CSMD3: variants seen among roughly 807,000 people sequenced by gnomAD.
CSMD3 encodes CUB and Sushi multiple domains 3.
Under a neutral mutation model 435.2 loss-of-function variants are expected in CSMD3, and 177 were observed. The ratio of observed to expected loss-of-function variants is 0.41; its 90% CI spans 0.36 to 0.46. The LOEUF is 0.46. CSMD3 is among the 20% of genes least tolerant of loss of function. The pLI, the probability that CSMD3 is intolerant of heterozygous loss-of-function variation, is 0.34. For missense variants in CSMD3, 4,265 were observed against 4,504.6 expected, an observed-to-expected ratio of 0.95 and a Z score of 1.52; for synonymous variants, 1,656 against 1,520.5, an observed-to-expected ratio of 1.09 and a Z score of -2.07.
intron 5 of CSMD3, among the ~76,000 whole-genome samples, chr8:113,062,592 T>C (rs1334991689): frequency 6.6e-6 from 1 of 151,802 alleles, no homozygotes; most frequent in East Asian, 1.9e-4. Flanking sequence ...AATAGGCCTA[T>C]TACTACTGCT....
intron 2 of CSMD3, among the ~76,000 whole-genome samples, chr8:113,296,863 A>G (rs1344982651): frequency 6.6e-6 from 1 of 152,158 alleles, no homozygotes; most frequent in Non-Finnish European, 1.5e-5. Flanking sequence ...TCTGCATTCT[A>G]TCAAATATAA....
intron 1 of CSMD3, among the ~76,000 whole-genome samples, chr8:113,319,257 G>A (rs1378419281): frequency 6.6e-6 from 1 of 151,896 alleles, no homozygotes; most frequent in African/African-American, 2.4e-5. Context: ...CATACTTACG[G>A]GAGTAAGGCA....
At chr8:112,742,345 A>C (rs2077331781) in intron 13 of CSMD3, among the ~76,000 whole-genome samples, 1 of 151,968 alleles carries the variant, frequency 6.6e-6, no homozygotes, top group Admixed American at 6.6e-5. Flanking sequence ...TCAGCAGAGA[A>C]AGAAAAAATC....
intron 22 of CSMD3, among the ~76,000 whole-genome samples, chr8:112,593,942 T>C (rs1831425450): frequency 6.6e-6 from 1 of 152,156 alleles, no homozygotes; most frequent in South Asian, 2.1e-4. Context: ...TGTTTTGTTT[T>C]TTGGTTAGTT....
chr8:112,857,946 T>C (rs2080711454), intron 11 of CSMD3, among the ~76,000 whole-genome samples: 1 of 151,728 alleles, frequency 6.6e-6, no homozygotes, highest in African/African-American at 2.4e-5. Context: ...ATGATTTCCT[T>C]CATGCAACTG....
chr8:113,254,120 C>T (rs1588379823), intron 3 of CSMD3, among the ~76,000 whole-genome samples: 1 of 152,098 alleles, frequency 6.6e-6, no homozygotes, highest in East Asian at 1.9e-4. Context: ...ATCTGAGTGT[C>T]TATAATTTTC....
intron 61 of CSMD3, among the ~76,000 whole-genome samples, chr8:112,256,806 T>C (rs1815847312): frequency 6.6e-6 from 1 of 152,178 alleles, no homozygotes; most frequent in African/African-American, 2.4e-5. Flanking sequence ...TGGTTTTAAG[T>C]ATAAATGTTG....
Position 112,289,539 on chromosome 8 carries a change from C to T in CSMD3, c.8975-1G>A, listed in dbSNP as rs2130658249. On this transcript the variant is annotated splice_acceptor_variant, in intron 56 of 70. Coordinates refer to ENST00000297405, the MANE Select transcript of CSMD3 (RefSeq NM_198123.2). LOFTEE classifies it high-confidence loss of function. Reference sequence around the variant, plus strand: ...ACGCCAGGGTGTCCACAGTCAATCACTACAATACATAATTATTAAATATAA... The same window carrying T: ...ACGCCAGGGTGTCCACAGTCAATCATTACAATACATAATTATTAAATATAA... 1 of 1,596,978 alleles carries T rather than the reference C, an allele frequency of 6.3e-7. No individual in the cohort carries two copies. Among genetic ancestry groups the T allele is most frequent in the Non-Finnish European group, 8.6e-7 (1 of 1,167,554 alleles).
chr8:113,021,121 A>C (rs2086669829), intron 5 of CSMD3, among the ~76,000 whole-genome samples: 1 of 152,128 alleles, frequency 6.6e-6, no homozygotes, highest in Admixed American at 6.5e-5. Flanking sequence ...ATTTTCCGTA[A>C]TGTTTCCCTA....
At chr8:112,576,835 C>CATATATATATATATATATATAT (rs5894088) in intron 23 of CSMD3, among the ~76,000 whole-genome samples, 1 of 71,572 alleles carries the variant, frequency 1.4e-5, no homozygotes, top group African/African-American at 3.5e-5. Flanking sequence ...AGGCAGCATA[C>CATATATATATATATATATATAT]ATATATATAT....
chr8:113,196,648 C>T (rs905048095), intron 3 of CSMD3, among the ~76,000 whole-genome samples: 9 of 150,962 alleles, frequency 6.0e-5, no homozygotes, highest in African/African-American at 9.7e-5. Context: ...AGACTAGAGA[C>T]GACAGAAGGA....
At chr8:113,312,914 T>G (rs1481203931) in intron 2 of CSMD3, 1 of 152,186 alleles carries the variant, frequency 6.6e-6, no homozygotes, top group Non-Finnish European at 1.5e-5. Context: ...GAAATCAGAT[T>G]TACTCGGTAA....
intron 9 of CSMD3, among the ~76,000 whole-genome samples, chr8:112,931,673 G>A (rs1449776532): frequency 6.6e-6 from 1 of 152,036 alleles, no homozygotes; most frequent in Non-Finnish European, 1.5e-5. Context: ...CTGTTGAATA[G>A]AAGAAAATAT....
In CSMD3 at chr8:112,477,255, A is replaced by G. The variant is rs140884585; in HGVS notation, c.5279-4548T>C. On this transcript the variant is annotated intron_variant, in intron 31 of 70. Transcript: ENST00000297405. ...TCTTTGCTTGATTGCTGTGCTTTAC[A>G]TTTGGGGGCAATACTATGTGAAAGA... 1.2e-3 allele frequency among the ~76,000 whole-genome samples: 189 copies of G among 152,204 alleles called. 1 individual carries two copies. The highest frequency in any genetic ancestry group is 4.5e-3 in the African/African-American group (187 of 41,528).
intron 52 of CSMD3, among the ~76,000 whole-genome samples, chr8:112,304,355 A>C (rs1446783612): frequency 6.6e-6 from 1 of 151,404 alleles, no homozygotes; most frequent in Admixed American, 6.6e-5. Flanking sequence ...ACTTTAATAG[A>C]ATGATTACAT....
In CSMD3 at chr8:112,638,744, T is replaced by C; in HGVS notation, c.3478A>G (p.Ile1160Val). 1 of 1,610,670 alleles carries C rather than the reference T, an allele frequency of 6.2e-7. No individual in the cohort carries two copies. The highest frequency in any genetic ancestry group is 8.5e-7 in the Non-Finnish European group (1 of 1,177,194). ...TCATATGATATTGAAAAATCTGAAA[T>C]GAAACGCAATTGAGCCCTGAAATTT... The part of the protein sequence containing the change: ...YGNFRAQLRF[I>V]SDFSISYEGF... The change falls in exon 21 of 71, where the codon ATT (isoleucine) becomes GTT (valine). Residue 1160 changes from isoleucine to valine, a missense_variant. By Grantham distance (29) the Ile-to-Val change is conservative (BLOSUM62 3). Transcript: ENST00000297405.
intron 64 of CSMD3, among the ~76,000 whole-genome samples, chr8:112,245,524 A>G (rs565689568): frequency 1.1e-4 from 17 of 152,156 alleles, no homozygotes; most frequent in African/African-American, 4.1e-4. Context: ...ATTGTGTTAA[A>G]TGGTTTTTTG....
At chr8:112,766,534 C>T (rs572349560) in intron 13 of CSMD3, among the ~76,000 whole-genome samples, 14 of 151,792 alleles carry the variant, frequency 9.2e-5, no homozygotes, top group Non-Finnish European at 1.8e-4. Context: ...GATGTCTCAG[C>T]AACTCATACC....
intron 38 of CSMD3, among the ~76,000 whole-genome samples, chr8:112,352,829 C>A (rs1826251531): frequency 6.6e-6 from 1 of 151,672 alleles, no homozygotes; most frequent in Non-Finnish European, 1.5e-5. Flanking sequence ...TACTGTGAAA[C>A]AAAAGTAAAA....
Sources: gnomAD v4.1 joint callset for allele counts (sites outside exome capture counted in the v4.1 genomes callset) on GRCh38, gnomAD v4.1.1 for gene constraint, MANE v1.5 for transcripts, NCBI Gene and HGNC (gene_info 2026-07-23, HGNC 2026-07-21) for gene names.